The following NKAIN3 variants were observed in gnomAD, a reference collection of about 807,000 sequenced individuals.
NKAIN3 encodes sodium/potassium transporting ATPase interacting 3.
A neutral mutation model predicts 30.2 loss-of-function variants in NKAIN3; 25 were observed. The observed-to-expected ratio is 0.83, with a 90% CI of 0.60 to 1.16. The LOEUF (loss-of-function observed/expected upper bound fraction) is 1.16. Ranked by LOEUF, NKAIN3 falls within the 50% of genes most tolerant of loss-of-function variation. NKAIN3 has a pLI of 0.00. For synonymous variants in NKAIN3, 91 were observed against 89.6 expected, an observed-to-expected ratio of 1.02 and a Z score of -0.09; for missense variants, 225 against 254.1, an observed-to-expected ratio of 0.89 and a Z score of 0.78.
chr8:62,800,832 T>A (rs1818033226), intron 4 of NKAIN3, among the ~76,000 whole-genome samples: 1 of 152,232 alleles, frequency 6.6e-6, no homozygotes, highest in Admixed American at 6.5e-5. Context: ...ACTCGGGAAG[T>A]GCAAGGGGTC....
chr8:62,646,079 A>C (rs1298279181), intron 3 of NKAIN3, among the ~76,000 whole-genome samples: 2 of 151,536 alleles, frequency 1.3e-5, no homozygotes, highest in African/African-American at 4.9e-5. Context: ...ATATATAATA[A>C]CTATTATATA....
At chr8:62,280,134 C>T (rs1032006678) in intron 1 of NKAIN3, among the ~76,000 whole-genome samples, 1 of 150,732 alleles carries the variant, frequency 6.6e-6, no homozygotes, top group South Asian at 2.1e-4. Flanking sequence ...CTCTTTGAAG[C>T]AATTGTGAAT....
intron 1 of NKAIN3, among the ~76,000 whole-genome samples, chr8:62,278,792 G>T (rs1269390788): frequency 6.6e-6 from 1 of 152,140 alleles, no homozygotes; most frequent in Non-Finnish European, 1.5e-5. Context: ...TGGACATTTA[G>T]GTTGGTTCCA....
intron 4 of NKAIN3, among the ~76,000 whole-genome samples, chr8:62,798,214 C>T (rs1464197131): frequency 1.3e-5 from 2 of 152,098 alleles, no homozygotes; most frequent in East Asian, 3.9e-4. Context: ...TAAACTCTAT[C>T]AGATCTGTAA....
intron 1 of NKAIN3, among the ~76,000 whole-genome samples, chr8:62,371,604 A>G (rs1816910083): frequency 6.6e-6 from 1 of 151,910 alleles, no homozygotes; most frequent in Non-Finnish European, 1.5e-5. Flanking sequence ...TTGCCTTTCA[A>G]TATGGATTTT....
intron 1 of NKAIN3, among the ~76,000 whole-genome samples, chr8:62,450,631 G>C (rs1805611723): frequency 6.6e-6 from 1 of 152,050 alleles, no homozygotes; most frequent in Non-Finnish European, 1.5e-5. Context: ...AACTTCACTG[G>C]CCTGTTCAAA....
At chr8:62,357,151 G>A (rs1183705175) in intron 1 of NKAIN3, among the ~76,000 whole-genome samples, 1 of 151,922 alleles carries the variant, frequency 6.6e-6, no homozygotes, top group East Asian at 1.9e-4. Context: ...AGGACCAGGT[G>A]CAGTGGCTCA....
In NKAIN3 at chr8:62,254,530, A is replaced by G. The variant is rs111451645; in HGVS notation, c.54+5403A>G. 4.3e-3 allele frequency among the ~76,000 whole-genome samples: 650 copies of G among 152,322 alleles called. 3 individuals carry two copies. Among genetic ancestry groups the G allele is most frequent in the African/African-American group, 0.015 (608 of 41,580 alleles). On this transcript the variant is annotated intron_variant, in intron 1 of 6. Coordinates refer to ENST00000623646, the MANE Select transcript of NKAIN3 (RefSeq NM_001304533.3). ...TTAAAAATAGGGCTGACATTTCAAG[A>G]TAAAAGTAAAACAAAACACAAAAAA...
chr8:62,330,091 G>T (rs537866480), intron 1 of NKAIN3, among the ~76,000 whole-genome samples: 1 of 152,160 alleles, frequency 6.6e-6, no homozygotes, highest in Admixed American at 6.6e-5. Flanking sequence ...GGACGAGGAA[G>T]TAGCAAGAGA....
intron 1 of NKAIN3, among the ~76,000 whole-genome samples, chr8:62,541,052 T>C: frequency 6.6e-6 from 1 of 152,122 alleles, no homozygotes; most frequent in East Asian, 1.9e-4. Flanking sequence ...GCTAATGCTT[T>C]TAATCCCAGA....
intron 4 of NKAIN3, among the ~76,000 whole-genome samples, chr8:62,801,979 C>T (rs564049648): frequency 6.6e-6 from 1 of 152,034 alleles, no homozygotes; most frequent in East Asian, 1.9e-4. Flanking sequence ...AATGTAGAAG[C>T]CTCAGGAGCT....
At chr8:62,740,931 C>T (rs545196402) in intron 3 of NKAIN3, among the ~76,000 whole-genome samples, 18 of 151,574 alleles carry the variant, frequency 1.2e-4, no homozygotes, top group Middle Eastern at 3.4e-3. Flanking sequence ...TAAGGTATAC[C>T]TCACACATGG....
chr8:62,740,907 ACT>A (rs1395492353), intron 3 of NKAIN3, among the ~76,000 whole-genome samples: 1 of 151,982 alleles, frequency 6.6e-6, no homozygotes, highest in Admixed American at 6.6e-5. Context: ...TTAAGTCATA[ACT>A]CTGTGAATAT....
At chr8:62,870,257 T>TCTATATATAG (rs1563603966) in intron 4 of NKAIN3, among the ~76,000 whole-genome samples, 1 of 85,006 alleles carries the variant, frequency 1.2e-5, no homozygotes, top group African/African-American at 5.5e-5. Context: ...TATCTATATA[T>TCTATATATAG]ATATCTATAT....
rs1224354186 is a variant in NKAIN3, at chr8:62,971,749, G to GT, written c.*6346dup. 6.6e-6 allele frequency among the ~76,000 whole-genome samples: 1 copy of GT among 152,084 alleles called. No homozygotes were observed. Among genetic ancestry groups the GT allele is most frequent in the Non-Finnish European group, 1.5e-5 (1 of 68,014 alleles). ...AATTGACATGATTTCTTGGAACAGT[G>GT]TTTTCATTTGTAGTACTTTATAACA... is the stretch of plus-strand genomic sequence containing the variant. On this transcript the variant is annotated 3_prime_UTR_variant, in exon 7 of 7. Coordinates refer to ENST00000623646, the MANE Select transcript of NKAIN3 (RefSeq NM_001304533.3).
chr8:62,564,525 C>G (rs1809686522), intron 1 of NKAIN3, among the ~76,000 whole-genome samples: 1 of 152,194 alleles, frequency 6.6e-6, no homozygotes, highest in Non-Finnish European at 1.5e-5. Context: ...CCACGTGCAT[C>G]TTGCTTTTCT....
intron 4 of NKAIN3, among the ~76,000 whole-genome samples, chr8:62,870,020 T>A (rs1158058693): frequency 6.6e-6 from 1 of 151,424 alleles, no homozygotes; most frequent in East Asian, 2.0e-4. Flanking sequence ...TCCACCCGCG[T>A]CGGCCTCCCA....
chr8:62,655,380 A>G (rs1324068529), intron 3 of NKAIN3, among the ~76,000 whole-genome samples: 1 of 152,194 alleles, frequency 6.6e-6, no homozygotes, highest in Admixed American at 6.6e-5. Context: ...ATTTTAGAAT[A>G]TGACTTTGAT....
intron 1 of NKAIN3, among the ~76,000 whole-genome samples, chr8:62,249,939 TC>T (rs897262544): frequency 5.3e-5 from 8 of 152,194 alleles, no homozygotes; most frequent in African/African-American, 1.9e-4. Context: ...TGTGGTCTAT[TC>T]CATGGTCACT....
Sources: allele counts gnomAD v4.1 joint callset (sites outside exome capture counted in the v4.1 genomes callset), GRCh38; gene constraint gnomAD v4.1.1; transcripts MANE v1.5; gene names NCBI Gene and HGNC (gene_info 2026-07-23, HGNC 2026-07-21).